The following SNX29 variants were observed in gnomAD, a reference collection of about 807,000 sequenced individuals.
The protein encoded by SNX29 is sorting nexin-29.
Under a neutral mutation model 102.1 loss-of-function variants are expected in SNX29, and 78 were observed. The ratio of observed to expected loss-of-function variants is 0.76; its 90% CI spans 0.64 to 0.92. The LOEUF (loss-of-function observed/expected upper bound fraction) is 0.92, where lower values mean the gene tolerates loss of function less well. Among genes scored for constraint, SNX29 ranks in the 40% least tolerant of loss-of-function variants. SNX29 has a pLI of 0.00. For missense variants in SNX29, 1,280 were observed against 1,061.7 expected, an observed-to-expected ratio of 1.21 and a Z score of -2.86; for synonymous variants, 580 against 414.5, an observed-to-expected ratio of 1.40 and a Z score of -4.85.
At chr16:12,407,917 C>T (rs970368236) in intron 18 of SNX29, among the ~76,000 whole-genome samples, 62 of 152,118 alleles carry the variant, frequency 4.1e-4, no homozygotes, top group African/African-American at 1.5e-3. Flanking sequence ...CAGTTTGAGC[C>T]TGCAGGGAGC....
intron 11 of SNX29, among the ~76,000 whole-genome samples, chr16:12,122,515 G>C (rs2054019955): frequency 6.6e-6 from 1 of 152,094 alleles, no homozygotes; most frequent in South Asian, 2.1e-4. Context: ...ACAACCTGGA[G>C]TGAGGGAGGG....
intron 14 of SNX29, among the ~76,000 whole-genome samples, chr16:12,228,441 G>C (rs2077678700): frequency 1.3e-5 from 2 of 152,238 alleles, no homozygotes; most frequent in Admixed American, 1.3e-4. Flanking sequence ...CACAGTCCAT[G>C]ACAGCAGCAG....
chr16:12,048,764 T>A, intron 7 of SNX29, 144 bp downstream of exon 7: 1 of 1,411,840 alleles, frequency 7.1e-7, no homozygotes, highest in Non-Finnish European at 9.8e-7. Context: ...CTGTTTCTCA[T>A]CCTCATTCAC....
chr16:12,054,036 C>T (rs2050417839), intron 8 of SNX29, among the ~76,000 whole-genome samples: 1 of 150,734 alleles, frequency 6.6e-6, no homozygotes, highest in East Asian at 1.9e-4. Flanking sequence ...GGCGTGATCT[C>T]GGCTCACTGC....
intron 11 of SNX29, among the ~76,000 whole-genome samples, chr16:12,105,094 G>A (rs950523435): frequency 3.9e-5 from 6 of 152,222 alleles, no homozygotes; most frequent in Admixed American, 6.5e-5. Context: ...TCAGTCTTCA[G>A]AGCATGAGGC....
At chr16:12,386,633 G>C (rs2083350951) in intron 16 of SNX29, among the ~76,000 whole-genome samples, 1 of 152,084 alleles carries the variant, frequency 6.6e-6, no homozygotes, top group East Asian at 1.9e-4. Flanking sequence ...TGCTAAAAAA[G>C]AAAATAATAA....
chr16:12,450,617 G>A (rs980087342), intron 18 of SNX29, among the ~76,000 whole-genome samples: 20 of 152,180 alleles, frequency 1.3e-4, no homozygotes, highest in African/African-American at 4.3e-4. Flanking sequence ...GAGGCTTCCC[G>A]GAGAGTGGTC....
intron 1 of SNX29, among the ~76,000 whole-genome samples, chr16:11,995,362 T>C (rs2056025616): frequency 6.6e-6 from 1 of 152,040 alleles, no homozygotes; most frequent in African/African-American, 2.4e-5. Flanking sequence ...CCACTGTGCC[T>C]GGCTGACCCC....
chr16:12,547,575 C>G (rs2077687860), intron 20 of SNX29, among the ~76,000 whole-genome samples: 3 of 151,794 alleles, frequency 2.0e-5, no homozygotes, highest in Admixed American at 2.0e-4. Context: ...CCCCCTCCCT[C>G]ACGAGGATTA....
chr16:12,458,264 C>G (rs2086623245), intron 18 of SNX29, among the ~76,000 whole-genome samples: 1 of 152,118 alleles, frequency 6.6e-6, no homozygotes, highest in African/African-American at 2.4e-5. Context: ...CCGAGCTGAC[C>G]ACCATCTGCT....
chr16:12,315,039 C>T (rs1461273998), intron 15 of SNX29, among the ~76,000 whole-genome samples: 1 of 152,220 alleles, frequency 6.6e-6, no homozygotes, highest in African/African-American at 2.4e-5. Flanking sequence ...CCCTAATTTT[C>T]TGCACATATC....
intron 18 of SNX29, among the ~76,000 whole-genome samples, chr16:12,449,819 G>A (rs1195484087): frequency 6.6e-6 from 1 of 152,212 alleles, no homozygotes; most frequent in African/African-American, 2.4e-5. Flanking sequence ...TTTGGTCACA[G>A]ATGGTGGTGA....
chr16:12,541,475 G>T (rs2077337541), intron 20 of SNX29, among the ~76,000 whole-genome samples: 1 of 152,254 alleles, frequency 6.6e-6, no homozygotes, highest in East Asian at 1.9e-4. Flanking sequence ...ATGGAGCCAG[G>T]ATCTCAGACC....
intron 11 of SNX29, among the ~76,000 whole-genome samples, chr16:12,106,175 G>A (rs923354357): frequency 5.3e-5 from 8 of 152,220 alleles, no homozygotes; most frequent in Admixed American, 2.6e-4. Context: ...CCCCTGCCCT[G>A]TGTGGGCTGA....
intron 13 of SNX29, among the ~76,000 whole-genome samples, chr16:12,172,158 T>G (rs1408361596): frequency 6.6e-6 from 1 of 152,106 alleles, no homozygotes; most frequent in African/African-American, 2.4e-5. Context: ...GAAATGCAAA[T>G]CGGTACCTGG....
chr16:11,995,211 G>A (rs2006256), intron 1 of SNX29, among the ~76,000 whole-genome samples: 13,015 of 152,128 alleles, frequency 0.086, 939 homozygotes, highest in African/African-American at 0.2. Context: ...GACTACAGGC[G>A]CCCGTCACCA....
intron 14 of SNX29, among the ~76,000 whole-genome samples, chr16:12,255,332 A>G (rs1354010313): frequency 1.3e-5 from 2 of 151,910 alleles, no homozygotes; most frequent in African/African-American, 4.8e-5. Flanking sequence ...AGTAGCTGGG[A>G]TTACAGGCAC....
At chr16:12,120,902 C>T (rs1276597362) in intron 11 of SNX29, among the ~76,000 whole-genome samples, 3 of 152,168 alleles carry the variant, frequency 2.0e-5, no homozygotes, top group South Asian at 4.1e-4. Flanking sequence ...ATCTCTGTCA[C>T]TGGGGCAAGA....
rs542649247 is a variant in SNX29, at chr16:12,102,749, T to C, written c.1402+23834T>C. ...GAAAAAGAAATAAAGGGTATTCAGA[T>C]AGGAAGAGTAGAAGTCAAATTGTCT... On this transcript the variant is annotated intron_variant, in intron 11 of 20. Coordinates refer to ENST00000566228, the MANE Select transcript of SNX29 (RefSeq NM_032167.5). Among the ~76,000 whole-genome samples, 55 of 152,310 alleles carry C rather than the reference T, an allele frequency of 3.6e-4. 1 individual carries two copies. In the South Asian group the frequency reaches 9.7e-3, roughly 27 times the overall value.
Sources: allele counts gnomAD v4.1 joint callset (sites outside exome capture counted in the v4.1 genomes callset), GRCh38; gene constraint gnomAD v4.1.1; transcripts MANE v1.5; gene names NCBI Gene and HGNC (gene_info 2026-07-23, HGNC 2026-07-21).